The following TP63 variants were observed in gnomAD, a reference collection of about 807,000 sequenced individuals.
TP63 encodes tumor protein p63, also known as tumor protein 63.
TP63 carries 17 observed loss-of-function variants against 82.8 expected under a neutral mutation model. The ratio of observed to expected loss-of-function variants is 0.21; its 90% CI spans 0.14 to 0.31. The LOEUF (loss-of-function observed/expected upper bound fraction) is 0.31, where lower values mean the gene tolerates loss of function less well. TP63 is among the 10% of genes least tolerant of loss of function. The pLI is 1.00. For missense variants in TP63, 648 were observed against 895.3 expected (o/e 0.72, Z 3.52); for synonymous variants, 330 against 321.7 (o/e 1.03, Z -0.28).
chr3:189,709,628 G>C (rs112039812), intron 1 of TP63, among the ~76,000 whole-genome samples: 1 of 152,072 alleles, frequency 6.6e-6, no homozygotes, highest in Admixed American at 6.6e-5. Context: ...CTGGGCAACA[G>C]AGCAAGACTC....
At chr3:189,733,827 A>T (rs1396785711) in intron 1 of TP63, among the ~76,000 whole-genome samples, 5 of 152,202 alleles carry the variant, frequency 3.3e-5, no homozygotes, top group African/African-American at 1.2e-4. Flanking sequence ...AAACCAAGTC[A>T]GCCACAATCT....
At chr3:189,669,322 CTG>C (rs1714687478) in intron 1 of TP63, among the ~76,000 whole-genome samples, 1 of 150,058 alleles carries the variant, frequency 6.7e-6, no homozygotes, top group African/African-American at 2.5e-5. Flanking sequence ...GGTAAACAAA[CTG>C]AGGATAATTT....
At chr3:189,831,378 G>C (rs534623164) in intron 4 of TP63, among the ~76,000 whole-genome samples, 37 of 152,240 alleles carry the variant, frequency 2.4e-4, no homozygotes, top group Middle Eastern at 3.4e-3. Flanking sequence ...CTAATTTGCT[G>C]TGAGGGTATT....
At chr3:189,599,428 CA>C in the TP63 span, among the ~76,000 whole-genome samples, 1 of 152,170 alleles carries the variant, frequency 6.6e-6, no homozygotes, top group Non-Finnish European at 1.5e-5. Context: ...CCTGATTTCT[CA>C]GAGACTCTTT....
intron 4 of TP63, among the ~76,000 whole-genome samples, chr3:189,855,263 C>T (rs1432647408): frequency 6.6e-6 from 1 of 152,066 alleles, no homozygotes; most frequent in Non-Finnish European, 1.5e-5. Flanking sequence ...AAGTAACTTC[C>T]ATTTTAAAAA....
At chr3:189,796,422 G>C (rs1237755057) in intron 3 of TP63, among the ~76,000 whole-genome samples, 2 of 151,966 alleles carry the variant, frequency 1.3e-5, no homozygotes, top group Non-Finnish European at 2.9e-5. Context: ...GCAGGGGAGG[G>C]TAGGCCATGG....
chr3:189,840,678 G>C (rs1211678148), intron 4 of TP63, among the ~76,000 whole-genome samples: 2 of 151,608 alleles, frequency 1.3e-5, no homozygotes, highest in African/African-American at 4.8e-5. Context: ...GGCTAAGATG[G>C]TGAAACCCGT....
chr3:189,870,617 A>G (rs1410692729), intron 9 of TP63, among the ~76,000 whole-genome samples: 1 of 152,158 alleles, frequency 6.6e-6, no homozygotes, highest in Non-Finnish European at 1.5e-5. Flanking sequence ...GTCTTAGCCC[A>G]ATTATTATGT....
intron 4 of TP63, among the ~76,000 whole-genome samples, chr3:189,824,282 T>A (rs1729106989): frequency 6.6e-6 from 1 of 152,034 alleles, no homozygotes; most frequent in Admixed American, 6.6e-5. Flanking sequence ...AGTGGCACAA[T>A]CTTGGCTCAC....
chr3:189,706,365 T>C (rs1718197345), intron 1 of TP63, among the ~76,000 whole-genome samples: 1 of 152,148 alleles, frequency 6.6e-6, no homozygotes, highest in Non-Finnish European at 1.5e-5. Flanking sequence ...CAAGTGATTC[T>C]CCTGCCTCAG....
chr3:189,747,315 A>G (rs868791309), intron 3 of TP63, among the ~76,000 whole-genome samples: 2 of 152,102 alleles, frequency 1.3e-5, no homozygotes, highest in South Asian at 4.1e-4. Context: ...TATCAGCACA[A>G]GGAACATTCT....
At chr3:189,798,617 C>G (rs1725967380) in intron 3 of TP63, among the ~76,000 whole-genome samples, 1 of 152,080 alleles carries the variant, frequency 6.6e-6, no homozygotes, top group Non-Finnish European at 1.5e-5. Context: ...TCTGTCCTCA[C>G]CAGAGATGGG....
chr3:189,598,639 A>G, the TP63 span, among the ~76,000 whole-genome samples: 2 of 152,234 alleles, frequency 1.3e-5, no homozygotes, highest in East Asian at 1.9e-4. Context: ...CAGCCCGATA[A>G]CAGAAGTAAA....
At chr3:189,870,538 G>C (rs1718293051) in intron 9 of TP63, among the ~76,000 whole-genome samples, 1 of 152,048 alleles carries the variant, frequency 6.6e-6, no homozygotes, top group Non-Finnish European at 1.5e-5. Context: ...GGGCCAGATG[G>C]GGGTGGGTAG....
At chr3:189,730,083 G>A (rs1720052239) in intron 1 of TP63, among the ~76,000 whole-genome samples, 1 of 152,176 alleles carries the variant, frequency 6.6e-6, no homozygotes, top group Non-Finnish European at 1.5e-5. Flanking sequence ...GATAATGAAG[G>A]CTTAAGCAAT....
At chr3:189,698,878 TAC>T (rs1482149176) in intron 1 of TP63, among the ~76,000 whole-genome samples, 2 of 152,172 alleles carry the variant, frequency 1.3e-5, no homozygotes, top group African/African-American at 4.8e-5. Context: ...TTGTGGAAAT[TAC>T]AGTGTATGAC....
intron 4 of TP63, among the ~76,000 whole-genome samples, chr3:189,850,301 C>T (rs1009177758): frequency 2.0e-5 from 3 of 151,742 alleles, no homozygotes; most frequent in Non-Finnish European, 4.4e-5. Flanking sequence ...CTTCCCCCAC[C>T]GCCACCACCA....
At chr3:189,817,169 G>T (rs899180058) in intron 4 of TP63, among the ~76,000 whole-genome samples, 1 of 151,914 alleles carries the variant, frequency 6.6e-6, no homozygotes, top group African/African-American at 2.4e-5. Flanking sequence ...TTTTTGTTTT[G>T]CTTCATGTGC....
the TP63 span, among the ~76,000 whole-genome samples, chr3:189,621,139 T>G: frequency 6.6e-6 from 1 of 152,208 alleles, no homozygotes; most frequent in South Asian, 2.1e-4. Context: ...CCATTGACTG[T>G]GCAAAATTTG....
Sources: allele counts gnomAD v4.1 joint callset (sites outside exome capture counted in the v4.1 genomes callset), GRCh38; gene constraint gnomAD v4.1.1; transcripts MANE v1.5; gene names NCBI Gene and HGNC (gene_info 2026-07-23, HGNC 2026-07-21).